The following FER1L5 variants were observed in gnomAD, a reference collection of about 807,000 sequenced individuals.
FER1L5 encodes fer-1 like family member 5.
A neutral mutation model predicts 279.9 loss-of-function variants in FER1L5; 187 were observed. That is an observed-to-expected ratio of 0.67 (90% CI 0.59 to 0.75). The LOEUF is 0.75. Ranked by LOEUF, FER1L5 falls within the 30% of genes least tolerant of loss-of-function variation. FER1L5 has a pLI of 0.00. For synonymous variants in FER1L5, 921 were observed against 989.7 expected, an observed-to-expected ratio of 0.93 and a Z score of 1.30; for missense variants, 2,091 against 2,594.4, an observed-to-expected ratio of 0.81 and a Z score of 4.21.
At chr2:96,659,880 A>G (rs1188580058) in intron 9 of FER1L5, among the ~76,000 whole-genome samples, 1 of 152,060 alleles carries the variant, frequency 6.6e-6, no homozygotes, top group Non-Finnish European at 1.5e-5. Context: ...AGCTTGCCCC[A>G]CATATGTCAC....
intron 10 of FER1L5, among the ~76,000 whole-genome samples, chr2:96,660,777 C>T (rs1449090911): frequency 6.6e-6 from 1 of 152,212 alleles, no homozygotes; most frequent in African/African-American, 2.4e-5. Flanking sequence ...TGGTCTCGAA[C>T]TCTTGACCTC....
chr2:96,661,396 C>G lies in FER1L5; in HGVS notation c.850C>G (p.Leu284Val). The G allele has an allele frequency of 2.6e-6, 4 of 1,551,674 alleles. No homozygotes were observed. In the South Asian group the frequency reaches 4.8e-5, roughly 18 times the overall value. ...CCCTGGCAGTGGTGTGACAGGCTAC[C>G]TGAAAGTCACCATCTATGCCCTCGG... ...NNPGSGVTGYLKVTIYALGVG... is the reference protein window; with the variant it reads ...NNPGSGVTGYVKVTIYALGVG... The change falls in exon 11 of 53, where the codon CTG becomes GTG. Residue 284 changes from leucine (L) to valine (V), a missense_variant. Transcript: ENST00000624922.
Position 96,649,033 on chromosome 2 carries a change from C to T in FER1L5, c.340-590C>T, listed in dbSNP as rs1172572052. 2.1e-5 allele frequency among the ~76,000 whole-genome samples: 3 copies of T among 146,010 alleles called. No individual in the cohort carries two copies. The South Asian group carries it at 6.5e-4, about 32-fold the overall frequency. On this transcript the variant is annotated intron_variant, in intron 4 of 52. Transcript: ENST00000624922. ...GGGAGGGTGTACTGCACTTTTGTCACACGGTGGGGGGGTGGGGTGGAGGTG... is the reference window on the plus strand; with the variant it reads ...GGGAGGGTGTACTGCACTTTTGTCATACGGTGGGGGGGTGGGGTGGAGGTG...
intron 19 of FER1L5, among the ~76,000 whole-genome samples, chr2:96,682,656 C>A (rs915732189): frequency 6.6e-6 from 1 of 152,234 alleles, no homozygotes; most frequent in Admixed American, 6.5e-5. Flanking sequence ...TTACCTGGGA[C>A]ACTGCCAAGC....
Position 96,652,394 on chromosome 2 carries a change from A to G in FER1L5, c.633+374A>G, listed in dbSNP as rs542271861. ...GTGCCTGATACACAGTAGGTGCTCC[A>G]TAAATACTTGTTGAATTAATTAGTA... is the stretch of plus-strand genomic sequence containing the variant. On this transcript the variant is annotated intron_variant, in intron 7 of 52. Transcript: ENST00000624922. 3.8e-4 allele frequency: 79 copies of G among 209,570 alleles called. 1 individual carries two copies. The South Asian group carries it at 7.8e-3, about 21-fold the overall frequency. 13.0% of individuals were successfully genotyped at this position (209,570 alleles called of 1,614,324 possible).
rs569823351 is a variant in FER1L5, at chr2:96,649,200, A to T, written c.340-423A>T. On this transcript the variant is annotated intron_variant, in intron 4 of 52. Transcript: ENST00000624922. ...TCCTGGTGATGGTCTGGAGGCTGGG[A>T]TGGTAATGGGAGCATATGAAGGAAG... 2.0e-5 allele frequency among the ~76,000 whole-genome samples: 3 copies of T among 152,160 alleles called. No individual in the cohort carries two copies. The South Asian group carries it at 6.2e-4, about 32-fold the overall frequency.
intron 18 of FER1L5, 143 bp from the exon 19 acceptor site, chr2:96,672,934 G>C (rs189307916): frequency 2.0e-6 from 2 of 1,023,960 alleles, no homozygotes; most frequent in Non-Finnish European, 1.4e-6. Context: ...AGCAGGGTGC[G>C]AGGGAGCCTC....
chr2:96,699,797 T>C, intron 43 of FER1L5, 77 bp downstream of exon 43: 2 of 1,587,258 alleles, frequency 1.3e-6, no homozygotes, highest in Non-Finnish European at 1.7e-6. Flanking sequence ...GGGAGAAGCC[T>C]GCATCCTGGG....
At chr2:96,651,528 G>A (rs1353047313) in intron 6 of FER1L5, among the ~76,000 whole-genome samples, 1 of 138,980 alleles carries the variant, frequency 7.2e-6, no homozygotes, top group African/African-American at 2.7e-5. Flanking sequence ...TTGAGATGGA[G>A]TCTTGCTCTG....
intron 18 of FER1L5, among the ~76,000 whole-genome samples, 175 bp downstream of exon 18, chr2:96,670,422 G>A (rs1224463416): frequency 2.6e-5 from 4 of 152,164 alleles, no homozygotes; most frequent in Non-Finnish European, 5.9e-5. Flanking sequence ...GTGGCTTCAT[G>A]CTGCACCAAA....
intron 19 of FER1L5, among the ~76,000 whole-genome samples, chr2:96,678,062 C>T (rs919940753): frequency 3.3e-5 from 5 of 151,320 alleles, no homozygotes; most frequent in South Asian, 2.1e-4. Context: ...GGCAGCTCAT[C>T]GTTGTGTTAA....
chr2:96,684,228 G>T, intron 19 of FER1L5, 99 bp from the exon 20 acceptor site: 1 of 1,439,532 alleles, frequency 6.9e-7, no homozygotes, highest in Non-Finnish European at 9.3e-7. Context: ...ATCTTTGAGG[G>T]TGCAGTGGTC....
At chr2:96,673,543 A>T (rs1434154345) in intron 19 of FER1L5, among the ~76,000 whole-genome samples, 1 of 152,060 alleles carries the variant, frequency 6.6e-6, no homozygotes, top group East Asian at 1.9e-4. Context: ...ACCACCTCTC[A>T]TCCATCCATC....
At chr2:96,659,292 T>TCCTTCCTTCCTC (rs2075738291) in intron 9 of FER1L5, among the ~76,000 whole-genome samples, 1 of 19,762 alleles carries the variant, frequency 5.1e-5, no homozygotes, top group African/African-American at 1.5e-4. Context: ...TATCAAGCTT[T>TCCTTCCTTCCTC]CCTTCCTTCC....
chr2:96,682,494 GC>G (rs2076766885), intron 19 of FER1L5, among the ~76,000 whole-genome samples: 1 of 152,180 alleles, frequency 6.6e-6, no homozygotes, highest in South Asian at 2.1e-4. Flanking sequence ...TGCTGTATAT[GC>G]CCTTCTGTTG....
At chr2:96,646,631 G>T (rs1025450459) in intron 2 of FER1L5, among the ~76,000 whole-genome samples, 178 bp downstream of exon 2, 3 of 152,136 alleles carry the variant, frequency 2.0e-5, no homozygotes, top group Admixed American at 1.3e-4. Flanking sequence ...AGGCTGTGAA[G>T]GCCACACCTG....
At chr2:96,652,194 G>A (rs1474143065) in intron 7 of FER1L5, 174 bp downstream of exon 7, 1 of 890,656 alleles carries the variant, frequency 1.1e-6, no homozygotes, top group Non-Finnish European at 1.7e-6. Flanking sequence ...ATAACTCAGA[G>A]CCCTGTATCT....
At position 96,689,616 on chromosome 2, in the gene FER1L5, T is replaced by C. The variant is rs1158754378; in HGVS notation, c.2526-28T>C. 3 of 1,543,254 alleles carry C rather than the reference T, an allele frequency of 1.9e-6. No individual in the cohort carries two copies. Among genetic ancestry groups the C allele is most frequent in the Non-Finnish European group, 2.6e-6 (3 of 1,140,224 alleles). On this transcript the variant is annotated intron_variant, in intron 25 of 52. Coordinates refer to ENST00000624922, the MANE Select transcript of FER1L5 (RefSeq NM_001293083.2). This position sits in a 1 kb window ranked among gnomAD's most constrained non-coding sequence, Gnocchi z 4.6. ...CTAGGGGCTGCTTGGGGAGTTGTGC[T>C]GGGAACTTGGGGTCTCATTACCCCC...
At chr2:96,677,684 G>A (rs1297871404) in intron 19 of FER1L5, among the ~76,000 whole-genome samples, 1 of 151,996 alleles carries the variant, frequency 6.6e-6, no homozygotes, top group Non-Finnish European at 1.5e-5. Context: ...TGACCAACAT[G>A]GTGAAACCCC....
Sources: gnomAD v4.1 joint callset for allele counts (sites outside exome capture counted in the v4.1 genomes callset) on GRCh38, gnomAD v4.1.1 for gene constraint, Gnocchi (gnomAD v3.1) non-coding constraint, MANE v1.5 for transcripts, NCBI Gene and HGNC (gene_info 2026-07-23, HGNC 2026-07-21) for gene names.